Variants in TAF4 observed in about 807,000 individuals in gnomAD.
TAF4 encodes TATA-box binding protein associated factor 4, also known as transcription initiation factor TFIID subunit 4.
TAF4 carries 9 observed loss-of-function variants against 90.3 expected under a neutral mutation model. The observed-to-expected ratio is 0.10, with a 90% CI of 0.06 to 0.17. The LOEUF (loss-of-function observed/expected upper bound fraction) is 0.17. TAF4 is among the 10% of genes least tolerant of loss of function. The probability of loss-of-function intolerance (pLI) is 1.00; values close to 1 mark genes in which losing one functional copy is unlikely to be tolerated. For synonymous variants in TAF4, 818 were observed against 638.9 expected, an observed-to-expected ratio of 1.28 and a Z score of -4.23; for missense variants, 1,351 against 1,370.7, an observed-to-expected ratio of 0.99 and a Z score of 0.23.
intron 11 of TAF4, among the ~76,000 whole-genome samples, chr20:61,999,317 G>A (rs1307392140): frequency 6.6e-6 from 1 of 152,328 alleles, no homozygotes; most frequent in Non-Finnish European, 1.5e-5. Flanking sequence ...CGTGTTGGCT[G>A]TCTCAGGGGC....
At position 62,064,709 on chromosome 20, in the gene TAF4, T is replaced by C. The variant is rs1255980320; in HGVS notation, c.1102A>G (p.Ser368Gly). The C allele has an allele frequency of 8.1e-7, 1 of 1,234,546 alleles. No individual in the cohort carries two copies. Among genetic ancestry groups the C allele is most frequent in the East Asian group, 3.6e-5 (1 of 27,524 alleles). 76.5% of individuals were successfully genotyped at this position (1,234,546 alleles called of 1,614,324 possible). ...CCGATGACCATGCTGGCCGCCGTGC[T>C]GGCCGGGCCGCTGGCCGCCAGGGTC... ...AQTLAASGPASTAASMVIGPT... is the reference protein window; with the variant it reads ...AQTLAASGPAGTAASMVIGPT... The change falls in exon 1 of 15, where the codon AGC becomes GGC. Residue 368 changes from serine to glycine, a missense_variant. Physicochemically the swap from Ser to Gly is moderately conservative, Grantham distance 56. Around this residue, in one of 9 missense-constraint regions of TAF4, gnomAD observed 782 missense variants for 536.6 expected, o/e 1.46. Coordinates refer to ENST00000252996, the MANE Select transcript of TAF4 (RefSeq NM_003185.4).
At chr20:62,031,439 C>A (rs1231614315) in intron 1 of TAF4, among the ~76,000 whole-genome samples, 1 of 152,224 alleles carries the variant, frequency 6.6e-6, no homozygotes, top group Non-Finnish European at 1.5e-5. Context: ...ACTCCCAAGA[C>A]TCTAAAAATC....
chr20:61,983,628 A>G (rs576811813), intron 14 of TAF4, among the ~76,000 whole-genome samples: 35 of 152,240 alleles, frequency 2.3e-4, no homozygotes, highest in Non-Finnish European at 4.0e-4. Context: ...TCACGCCACC[A>G]AACTCCAGCC....
At chr20:62,064,423 T>C in intron 1 of TAF4, 28 bp downstream of exon 1, 1 of 1,289,728 alleles carries the variant, frequency 7.8e-7, no homozygotes, top group Non-Finnish European at 9.9e-7. Context: ...GGAGCCGCCC[T>C]TCCCTCCCGC....
At chr20:62,023,747 CAAAAAAAAAA>C (rs59813943) in intron 1 of TAF4, among the ~76,000 whole-genome samples, 1 of 59,564 alleles carries the variant, frequency 1.7e-5, no homozygotes, top group South Asian at 7.1e-4. Context: ...GACTCCATCT[CAAAAAAAAAA>C]AAAAAAAAAA....
chr20:62,022,727 T>C (rs972240431), intron 1 of TAF4, among the ~76,000 whole-genome samples: 3 of 152,176 alleles, frequency 2.0e-5, no homozygotes, highest in Non-Finnish European at 4.4e-5. Context: ...CTCTCGGGGT[T>C]TGGCAGGCAT....
chr20:62,030,117 T>A (rs563464094), intron 1 of TAF4, among the ~76,000 whole-genome samples: 2 of 152,034 alleles, frequency 1.3e-5, no homozygotes, highest in Admixed American at 6.5e-5. Context: ...AGAGCCCCGA[T>A]AGGGGTGTGC....
intron 1 of TAF4, among the ~76,000 whole-genome samples, chr20:62,062,069 C>G (rs2056091876): frequency 6.6e-6 from 1 of 152,252 alleles, no homozygotes. Flanking sequence ...CCGTCTGCTA[C>G]TCCACTTGAC....
chr20:62,064,483 G>C lies in TAF4; in HGVS notation c.1328C>G (p.Pro443Arg). 2 of 1,502,492 alleles carry C rather than the reference G, an allele frequency of 1.3e-6. No homozygotes were observed. Among genetic ancestry groups the C allele is most frequent in the Non-Finnish European group, 1.8e-6 (2 of 1,125,648 alleles). 93.1% of individuals were successfully genotyped at this position (1,502,492 alleles called of 1,614,324 possible). A position where few individuals can be genotyped will look rare whatever the true frequency, so the allele number is the denominator to read the frequency against. The part of the protein sequence containing the change: ...APRLPQPPQN[P>R]TNIQNFQLPP... ...CAGCTGGAAGTTCTGGATGTTGGTC[G>C]GGTTCTGAGGCGGCTGCGGCAAGCG... is the stretch of plus-strand genomic sequence containing the variant. Residue 443 changes from proline to arginine, a missense_variant, in exon 1 of 15, where the codon CCG becomes CGG. Around this residue, in one of 9 missense-constraint regions of TAF4, gnomAD observed 782 missense variants for 536.6 expected, o/e 1.46. Coordinates refer to ENST00000252996, the MANE Select transcript of TAF4 (RefSeq NM_003185.4).
At chr20:62,046,997 G>A (rs965657087) in intron 1 of TAF4, among the ~76,000 whole-genome samples, 4 of 152,122 alleles carry the variant, frequency 2.6e-5, no homozygotes, top group African/African-American at 4.8e-5. Context: ...TCTCCAAGTC[G>A]ACGGCTTGCC....
rs6061991 is a variant in TAF4, at chr20:62,053,449, G to A, written c.1360+11002C>T. ...AGTGCCCGGTCAGGCAGGAGCGGCA[G>A]GGAAACACTGGGGCACCCACATCTG... On this transcript the variant is annotated intron_variant, in intron 1 of 14. Coordinates refer to ENST00000252996, the MANE Select transcript of TAF4 (RefSeq NM_003185.4). 9.1e-3 allele frequency among the ~76,000 whole-genome samples: 1,380 copies of A among 152,324 alleles called. 24 individuals carry two copies. Among genetic ancestry groups the A allele is most frequent in the African/African-American group, 0.031 (1,303 of 41,570 alleles).
chr20:62,018,534 T>C (rs866293724), intron 1 of TAF4, among the ~76,000 whole-genome samples: 1 of 152,166 alleles, frequency 6.6e-6, no homozygotes, highest in African/African-American at 2.4e-5. Context: ...TCTCTGCACT[T>C]GCAGCAGGGT....
chr20:62,025,446 G>A (rs115320244), intron 1 of TAF4, among the ~76,000 whole-genome samples: 2,068 of 152,270 alleles, frequency 0.014, 52 homozygotes, highest in African/African-American at 0.047. Context: ...GCTTGGCTCC[G>A]TGTCCCCACC....
chr20:61,996,944 C>T (rs1310548755), intron 14 of TAF4, among the ~76,000 whole-genome samples: 2 of 152,040 alleles, frequency 1.3e-5, no homozygotes, highest in African/African-American at 4.8e-5. Flanking sequence ...CGGAAACAGA[C>T]CCACGGGAAG....
rs1470628529 is a variant in TAF4, at chr20:62,065,488, G to A, written c.323C>T (p.Pro108Leu). The change falls in exon 1 of 15, where the codon CCC becomes CTC. Residue 108 changes from proline to leucine, a missense_variant. This residue lies in a region of TAF4 where 782 missense variants were observed against 536.6 expected (regional missense o/e 1.46). Transcript: ENST00000252996. ...GGGGACAAGGGGGCGGCGCGGTGAG[G>A]GGGGGCCCGGGCGCTGCGGCCCCCC... is the stretch of plus-strand genomic sequence containing the variant. ...GGGGPQRPGP[P>L]SPRRPLVPAG... The A allele has an allele frequency of 1.0e-6, 1 of 971,238 alleles. No homozygotes were observed. Among genetic ancestry groups the A allele is most frequent in the Non-Finnish European group, 1.2e-6 (1 of 820,286 alleles). 60.2% of individuals were successfully genotyped at this position (971,238 alleles called of 1,614,324 possible).
chr20:62,009,784 T>C lies in TAF4; in HGVS notation c.1761+262A>G, dbSNP rs931528180. On this transcript the variant is annotated intron_variant, in intron 4 of 14. Transcript: ENST00000252996. ...TGCTGTTTTACATACAACGCGACAG[T>C]GCACCAGTGACTTTTTCAAAGGCAG... Among the ~76,000 whole-genome samples, 9 of 152,302 alleles carry C rather than the reference T, an allele frequency of 5.9e-5. 1 individual carries two copies. The highest frequency in any genetic ancestry group is 1.3e-4 in the Admixed American group (2 of 15,310).
At chr20:62,004,323 C>CTTTTTTTTTT (rs1434356168) in intron 7 of TAF4, among the ~76,000 whole-genome samples, 2 of 113,998 alleles carry the variant, frequency 1.8e-5, no homozygotes, top group African/African-American at 6.0e-5. Context: ...TTTTTCTTTT[C>CTTTTTTTTTT]TTTTCTTTTT....
rs2055771849 is a variant in TAF4 at position 62,010,378 on chromosome 20, G to A, written c.1642-213C>T. ...CCCTGACGATCGCAGTCCTGAGCGGGTGAGGAAGGCATGATTTGCACCTGC... is the reference window on the plus strand; with the variant it reads ...CCCTGACGATCGCAGTCCTGAGCGGATGAGGAAGGCATGATTTGCACCTGC... On this transcript the variant is annotated intron_variant, in intron 3 of 14. Transcript: ENST00000252996. This position sits in a 1 kb window ranked among gnomAD's most constrained non-coding sequence, Gnocchi z 4.5. Among the ~76,000 whole-genome samples the A allele has an allele frequency of 6.6e-6, 1 of 152,156 alleles. No homozygotes were observed. The highest frequency in any genetic ancestry group is 1.5e-5 in the Non-Finnish European group (1 of 68,020).
At chr20:61,995,639 G>A (rs1296238911) in intron 14 of TAF4, among the ~76,000 whole-genome samples, 1 of 15,104 alleles carries the variant, frequency 6.6e-5, no homozygotes, top group Non-Finnish European at 1.3e-4. Flanking sequence ...CGAGGCGGGT[G>A]GATCATGAGG....
Sources: gnomAD v4.1 joint callset for allele counts (sites outside exome capture counted in the v4.1 genomes callset) on GRCh38, gnomAD v4.1.1 for gene constraint, gnomAD v4.1.1 regional missense constraint, Gnocchi (gnomAD v3.1) non-coding constraint, MANE v1.5 for transcripts, NCBI Gene and HGNC (gene_info 2026-07-23, HGNC 2026-07-21) for gene names.